PTPRT: variants seen among roughly 807,000 people sequenced by gnomAD.
PTPRT encodes the protein receptor-type tyrosine-protein phosphatase T.
Under a neutral mutation model 176.8 loss-of-function variants are expected in PTPRT, and 56 were observed. The ratio of observed to expected loss-of-function variants is 0.32; its 90% CI spans 0.26 to 0.40. PTPRT has a LOEUF of 0.40. Among genes scored for constraint, PTPRT ranks in the 10% least tolerant of loss-of-function variants. The pLI, the probability that PTPRT is intolerant of heterozygous loss-of-function variation, is 1.00. For synonymous variants in PTPRT, 783 were observed against 739.0 expected, an observed-to-expected ratio of 1.06 and a Z score of -0.96; for missense variants, 1,540 against 1,908.2, an observed-to-expected ratio of 0.81 and a Z score of 3.60.
At chr20:42,698,284 C>G (rs971851541) in intron 6 of PTPRT, among the ~76,000 whole-genome samples, 16 of 152,236 alleles carry the variant, frequency 1.1e-4, no homozygotes, top group East Asian at 3.9e-4. Context: ...CTAAAGTAAC[C>G]AGTTCCTTTA....
chr20:42,889,721 C>A (rs1297503029), intron 1 of PTPRT, among the ~76,000 whole-genome samples: 2 of 152,196 alleles, frequency 1.3e-5, no homozygotes, highest in Non-Finnish European at 2.9e-5. Flanking sequence ...TGCTGCCTAA[C>A]TGGTCACTGG....
At chr20:43,179,642 AC>A (rs1248583116) in intron 1 of PTPRT, among the ~76,000 whole-genome samples, 2 of 152,348 alleles carry the variant, frequency 1.3e-5, no homozygotes, top group African/African-American at 4.8e-5. Context: ...ATTAACTTCT[AC>A]AAAACTTAAA....
intron 8 of PTPRT, among the ~76,000 whole-genome samples, chr20:42,451,567 G>A (rs920728164): frequency 6.6e-6 from 1 of 152,088 alleles, no homozygotes; most frequent in African/African-American, 2.4e-5. Context: ...CAATTAGGAG[G>A]AAAATGAATG....
chr20:42,983,848 T>C (rs1428269759), intron 1 of PTPRT, among the ~76,000 whole-genome samples: 1 of 152,190 alleles, frequency 6.6e-6, no homozygotes, highest in Non-Finnish European at 1.5e-5. Context: ...TTAACATAGG[T>C]TGTATTTCCC....
At chr20:42,388,091 G>A (rs1389489820) in intron 9 of PTPRT, among the ~76,000 whole-genome samples, 3 of 152,066 alleles carry the variant, frequency 2.0e-5, no homozygotes, top group Non-Finnish European at 4.4e-5. Flanking sequence ...GCCTGGCCCA[G>A]GGATGCTAAC....
chr20:42,345,470 A>T (rs11697235), intron 11 of PTPRT, among the ~76,000 whole-genome samples: 16,584 of 147,744 alleles, frequency 0.11, 1,152 homozygotes, highest in Non-Finnish European at 0.16. Flanking sequence ...TATATATATA[A>T]AACTAGTTAC....
chr20:42,109,490 C>G (rs138219001), intron 23 of PTPRT, among the ~76,000 whole-genome samples: 2 of 152,336 alleles, frequency 1.3e-5, no homozygotes, highest in African/African-American at 4.8e-5. Context: ...AATATCTCTT[C>G]TTCATAATAA....
In PTPRT at chr20:42,548,900, C is replaced by T. The variant is rs186721198; in HGVS notation, c.1154-76338G>A. Among the ~76,000 whole-genome samples, 444 of 152,228 alleles carry T rather than the reference C, an allele frequency of 2.9e-3. 2 individuals carry two copies. Among genetic ancestry groups the T allele is most frequent in the Non-Finnish European group, 4.9e-3 (331 of 68,002 alleles). On this transcript the variant is annotated intron_variant, in intron 7 of 30. Coordinates refer to ENST00000373187, the MANE Select transcript of PTPRT (RefSeq NM_007050.6). ...TAGTTATCAGAGAAATGAAGATGAA[C>T]ACAATGTACAGTCATTTACACTGAA...
chr20:43,014,781 AG>A (rs1282702733), intron 1 of PTPRT, among the ~76,000 whole-genome samples: 2 of 152,204 alleles, frequency 1.3e-5, no homozygotes, highest in Non-Finnish European at 2.9e-5. Context: ...GGAAATAAAA[AG>A]GGTAAAAGAG....
chr20:42,485,018 C>T (rs1426217168), intron 7 of PTPRT, among the ~76,000 whole-genome samples: 1 of 152,194 alleles, frequency 6.6e-6, no homozygotes, highest in East Asian at 1.9e-4. Context: ...CTGTGTGCCT[C>T]CTGCCACATC....
chr20:42,619,185 C>A (rs1277334561), intron 7 of PTPRT, among the ~76,000 whole-genome samples: 1 of 149,570 alleles, frequency 6.7e-6, no homozygotes, highest in Non-Finnish European at 1.5e-5. Context: ...TATTTAATTT[C>A]TCCTTCACTT....
In PTPRT at chr20:42,196,428, A is replaced by G. The variant is rs201916962; in HGVS notation, c.2491+2812T>C. On this transcript the variant is annotated intron_variant, in intron 16 of 30. Transcript: ENST00000373187. Reference sequence around the variant, plus strand: ...ATAATGTATAATAATCAGGGTAATTAATATATTAATCACCTCTAAATTTAT... The same window carrying G: ...ATAATGTATAATAATCAGGGTAATTGATATATTAATCACCTCTAAATTTAT... Among the ~76,000 whole-genome samples the G allele has an allele frequency of 5.9e-5, 9 of 152,328 alleles. No individual in the cohort carries two copies. In the East Asian group the frequency reaches 1.7e-3, roughly 29 times the overall value.
chr20:42,230,666 G>A (rs905486085), intron 15 of PTPRT, among the ~76,000 whole-genome samples: 3 of 152,102 alleles, frequency 2.0e-5, no homozygotes, highest in African/African-American at 4.8e-5. Context: ...GGAAGTCACC[G>A]CTATTATCAT....
chr20:43,051,498 G>C (rs748998587), intron 1 of PTPRT, among the ~76,000 whole-genome samples: 5 of 151,924 alleles, frequency 3.3e-5, no homozygotes, highest in Non-Finnish European at 5.9e-5. Flanking sequence ...AAATCATTCA[G>C]TTATAAGAGT....
chr20:42,783,531 A>G (rs1171856816), intron 3 of PTPRT, among the ~76,000 whole-genome samples: 2 of 152,140 alleles, frequency 1.3e-5, no homozygotes, highest in African/African-American at 4.8e-5. Context: ...GACACCTACA[A>G]CCTTGGAGGG....
At chr20:42,307,509 T>C (rs2145337896) in intron 12 of PTPRT, among the ~76,000 whole-genome samples, 1 of 152,320 alleles carries the variant, frequency 6.6e-6, no homozygotes, top group South Asian at 2.1e-4. Context: ...TGTGATCTCC[T>C]GATGATCTTA....
chr20:42,495,879 G>C (rs2071644547), intron 7 of PTPRT, among the ~76,000 whole-genome samples: 1 of 152,090 alleles, frequency 6.6e-6, no homozygotes, highest in Admixed American at 6.6e-5. Context: ...GCAAGGGTTA[G>C]AGGTGCCAAC....
At chr20:42,288,312 G>A (rs2057264328) in intron 12 of PTPRT, among the ~76,000 whole-genome samples, 1 of 150,778 alleles carries the variant, frequency 6.6e-6, no homozygotes. Flanking sequence ...CTTAAAATGT[G>A]GTCACAATAA....
chr20:42,241,738 G>A (rs993104277), intron 14 of PTPRT, among the ~76,000 whole-genome samples: 1 of 152,060 alleles, frequency 6.6e-6, no homozygotes, highest in Non-Finnish European at 1.5e-5. Context: ...AGCAGAAGGA[G>A]CAGGATTCAA....
Sources: gnomAD v4.1 joint callset for allele counts (sites outside exome capture counted in the v4.1 genomes callset) on GRCh38, gnomAD v4.1.1 for gene constraint, MANE v1.5 for transcripts, NCBI Gene and HGNC (gene_info 2026-07-23, HGNC 2026-07-21) for gene names.